RNF220: variants seen among roughly 807,000 people sequenced by gnomAD.
RNF220 encodes the protein E3 ubiquitin-protein ligase RNF220.
A neutral mutation model predicts 67.1 loss-of-function variants in RNF220; 7 were observed. The ratio of observed to expected loss-of-function variants is 0.10; its 90% CI spans 0.06 to 0.20. The LOEUF (loss-of-function observed/expected upper bound fraction) is 0.20. RNF220 is among the 10% of genes least tolerant of loss of function. The pLI is 1.00. For missense variants in RNF220, 565 were observed against 740.3 expected (o/e 0.76, Z 2.75); for synonymous variants, 270 against 283.2 (o/e 0.95, Z 0.47).
chr1:44,501,823 T>C (rs1258813685), intron 2 of RNF220, among the ~76,000 whole-genome samples: 4 of 152,026 alleles, frequency 2.6e-5, no homozygotes, highest in African/African-American at 9.7e-5. Flanking sequence ...AGCTGTTTTC[T>C]CCGCTCTTAC....
At chr1:44,538,247 C>T (rs951846643) in intron 2 of RNF220, among the ~76,000 whole-genome samples, 2 of 152,224 alleles carry the variant, frequency 1.3e-5, no homozygotes, top group African/African-American at 4.8e-5. Flanking sequence ...ATTCAGCCAG[C>T]TCTGTATCTA....
chr1:44,415,243 G>A (rs150614950), intron 2 of RNF220, among the ~76,000 whole-genome samples: 6 of 151,906 alleles, frequency 3.9e-5, no homozygotes, highest in South Asian at 2.1e-4. Flanking sequence ...TTTAAGGGTC[G>A]TTAGAAGGCC....
intron 2 of RNF220, among the ~76,000 whole-genome samples, chr1:44,488,407 G>C (rs1656535233): frequency 6.6e-6 from 1 of 152,214 alleles, no homozygotes; most frequent in East Asian, 1.9e-4. Context: ...GGGATTACAG[G>C]CGTGAGCCAC....
intron 2 of RNF220, among the ~76,000 whole-genome samples, chr1:44,586,160 G>C (rs1184420614): frequency 6.6e-6 from 1 of 152,198 alleles, no homozygotes; most frequent in African/African-American, 2.4e-5. Context: ...TGGAAAGGGA[G>C]CTGTTTTGAA....
At chr1:44,513,342 C>T (rs916440215) in intron 2 of RNF220, among the ~76,000 whole-genome samples, 4 of 152,318 alleles carry the variant, frequency 2.6e-5, no homozygotes, top group African/African-American at 9.6e-5. Context: ...AGCCAGGCTG[C>T]CTCCCGCATG....
At chr1:44,613,324 A>T (rs272542) in intron 2 of RNF220, among the ~76,000 whole-genome samples, 1 of 131,866 alleles carries the variant, frequency 7.6e-6, no homozygotes, top group Admixed American at 7.2e-5. Flanking sequence ...CCAACCCCAC[A>T]CCTGTAAGCA....
Position 44,594,691 on chromosome 1 carries a change from G to A in RNF220, c.626-19474G>A, listed in dbSNP as rs544896442. Among the ~76,000 whole-genome samples, 6 of 152,358 alleles carry A rather than the reference G, an allele frequency of 3.9e-5. No individual in the cohort carries two copies. The South Asian group carries it at 1.2e-3, about 32-fold the overall frequency. ...GAAGGTTATCAGAGAGGCTAAGGGG[G>A]CATTCGGTCTTGGGACAGGACTGAA... is the stretch of plus-strand genomic sequence containing the variant. On this transcript the variant is annotated intron_variant, in intron 2 of 14. Transcript: ENST00000361799.
At chr1:44,430,909 C>A (rs1650297375) in intron 2 of RNF220, among the ~76,000 whole-genome samples, 3 of 152,200 alleles carry the variant, frequency 2.0e-5, no homozygotes, top group Non-Finnish European at 2.9e-5. Context: ...TATAACCTAG[C>A]ATTTATGATT....
At chr1:44,427,564 A>G (rs1033980572) in intron 2 of RNF220, among the ~76,000 whole-genome samples, 1 of 152,196 alleles carries the variant, frequency 6.6e-6, no homozygotes, top group Non-Finnish European at 1.5e-5. Flanking sequence ...TGATCTAAGA[A>G]AAAAAGTTTG....
intron 2 of RNF220, among the ~76,000 whole-genome samples, chr1:44,607,730 C>T (rs1278849088): frequency 1.3e-5 from 2 of 152,078 alleles, no homozygotes; most frequent in Non-Finnish European, 2.9e-5. Context: ...ACCTCGTGAT[C>T]CGCCCGCCTC....
chr1:44,538,809 G>A lies in RNF220; in HGVS notation c.626-75356G>A, dbSNP rs554607970. On this transcript the variant is annotated intron_variant, in intron 2 of 14. Coordinates refer to ENST00000361799, the MANE Select transcript of RNF220 (RefSeq NM_018150.4). ...CAGGCACCTGTCATCCCAGCTACTC[G>A]GGAGGCTGAGGCAGGAGAATGACTT... Among the ~76,000 whole-genome samples the A allele has an allele frequency of 7.3e-5, 11 of 151,312 alleles. No homozygotes were observed. The East Asian group carries it at 1.2e-3, about 16-fold the overall frequency.
intron 2 of RNF220, among the ~76,000 whole-genome samples, chr1:44,493,116 A>G (rs1361871006): frequency 1.3e-5 from 2 of 152,188 alleles, no homozygotes; most frequent in Admixed American, 1.3e-4. Flanking sequence ...TATTGACCTC[A>G]TGTGATGGTT....
rs1663893956 is a variant in RNF220 at position 44,565,074 on chromosome 1, C to G, written c.626-49091C>G. Among the ~76,000 whole-genome samples the G allele has an allele frequency of 6.6e-6, 1 of 152,182 alleles. No individual in the cohort carries two copies. The highest frequency in any genetic ancestry group is 2.4e-5 in the African/African-American group (1 of 41,438). Reference sequence around the variant, plus strand: ...TGGCCTGAATCAACTCCATCCCCTGCGCATAGCATGGGCCTGGCCTTAGGA... The same window carrying G: ...TGGCCTGAATCAACTCCATCCCCTGGGCATAGCATGGGCCTGGCCTTAGGA... On this transcript the variant is annotated intron_variant, in intron 2 of 14. Coordinates refer to ENST00000361799, the MANE Select transcript of RNF220 (RefSeq NM_018150.4). This position sits in a 1 kb window ranked among gnomAD's most constrained non-coding sequence, Gnocchi z 4.2.
In RNF220 at chr1:44,645,214, C is replaced by T. The variant is rs1385646299; in HGVS notation, c.1311-7C>T. On this transcript the variant is annotated splice_region_variant and splice_polypyrimidine_tract_variant and intron_variant, in intron 10 of 14. Coordinates refer to ENST00000361799, the MANE Select transcript of RNF220 (RefSeq NM_018150.4). This position sits in a 1 kb window ranked among gnomAD's most constrained non-coding sequence, Gnocchi z 5.0. Reference sequence around the variant, plus strand: ...TCACTTTGTTTTTCCTCCCTCCTTTCCTCCAGTGGCGGCCCTCCCAGCACG... The same window carrying T: ...TCACTTTGTTTTTCCTCCCTCCTTTTCTCCAGTGGCGGCCCTCCCAGCACG... 9.9e-6 allele frequency: 16 copies of T among 1,614,006 alleles called. No homozygotes were observed. The highest frequency in any genetic ancestry group is 1.7e-5 in the Admixed American group (1 of 59,998).
chr1:44,594,230 G>A (rs930275215), intron 2 of RNF220, among the ~76,000 whole-genome samples: 1 of 152,140 alleles, frequency 6.6e-6, no homozygotes, highest in African/African-American at 2.4e-5. Flanking sequence ...GAGAAACTTT[G>A]ATTTGAAAAG....
intron 2 of RNF220, among the ~76,000 whole-genome samples, chr1:44,469,246 G>C (rs1654566000): frequency 6.6e-6 from 1 of 152,124 alleles, no homozygotes; most frequent in Non-Finnish European, 1.5e-5. Flanking sequence ...AATTATTAAG[G>C]TTGTTGTTAA....
chr1:44,632,588 C>G, intron 6 of RNF220: 1 of 618,578 alleles, frequency 1.6e-6, no homozygotes, highest in South Asian at 1.9e-5. Context: ...GCGCCCAGCT[C>G]TTGCCCAAAC....
intron 2 of RNF220, among the ~76,000 whole-genome samples, chr1:44,589,811 G>A (rs1224693126): frequency 1.3e-5 from 2 of 152,092 alleles, no homozygotes; most frequent in Admixed American, 6.6e-5. Context: ...TTTAATATAT[G>A]TTTATAAACA....
chr1:44,626,274 AC>A, intron 4 of RNF220, 22 bp from the exon 5 acceptor site: 1 of 1,594,182 alleles, frequency 6.3e-7, no homozygotes, highest in Non-Finnish European at 8.6e-7. Flanking sequence ...GCCTGAGGCC[AC>A]ATGTCTTTTT....
Sources: gnomAD v4.1 joint callset for allele counts (sites outside exome capture counted in the v4.1 genomes callset) on GRCh38, gnomAD v4.1.1 for gene constraint, Gnocchi (gnomAD v3.1) non-coding constraint, MANE v1.5 for transcripts, NCBI Gene and HGNC (gene_info 2026-07-23, HGNC 2026-07-21) for gene names.